Variants in ICA1L observed in about 807,000 individuals in gnomAD.
ICA1L encodes the protein islet cell autoantigen 1 like, also known as islet cell autoantigen 1-like protein.
A neutral mutation model predicts 61.3 loss-of-function variants in ICA1L; 50 were observed. The ratio of observed to expected loss-of-function variants is 0.82; its 90% confidence interval spans 0.65 to 1.03. ICA1L has a LOEUF of 1.03. Ranked by LOEUF, ICA1L falls within the 50% of genes least tolerant of loss-of-function variation. The probability of loss-of-function intolerance (pLI) is 0.00; values close to 1 mark genes in which losing one functional copy is unlikely to be tolerated. For synonymous variants in ICA1L, 161 were observed against 191.3 expected, an observed-to-expected ratio of 0.84 and a Z score of 1.31; for missense variants, 508 against 556.7, an observed-to-expected ratio of 0.91 and a Z score of 0.88.
At chr2:202,835,588 C>A (rs1325913509) in intron 1 of ICA1L, among the ~76,000 whole-genome samples, 1 of 151,466 alleles carries the variant, frequency 6.6e-6, no homozygotes, top group Non-Finnish European at 1.5e-5. Context: ...ACTCTGTTAC[C>A]CAGGCCGGAG....
At chr2:202,810,986 G>A (rs531371189) in intron 9 of ICA1L, among the ~76,000 whole-genome samples, 21 of 152,244 alleles carry the variant, frequency 1.4e-4, no homozygotes, top group Non-Finnish European at 2.8e-4. Flanking sequence ...ATGCCTGCCC[G>A]AAACTTCATT....
chr2:202,783,445 ACCATT>A (rs535349587), intron 12 of ICA1L, among the ~76,000 whole-genome samples: 6 of 152,304 alleles, frequency 3.9e-5, no homozygotes, highest in African/African-American at 1.4e-4. Flanking sequence ...AAGGCACAAC[ACCATT>A]CCTGCACTGG....
At chr2:202,841,190 C>G in intron 1 of ICA1L, 1 of 682,310 alleles carries the variant, frequency 1.5e-6, no homozygotes, top group Admixed American at 1.8e-5. Context: ...CCACATACTG[C>G]CTGATGAGGA....
At chr2:202,870,015 T>A (rs1399283317) in intron 1 of ICA1L, among the ~76,000 whole-genome samples, 3 of 152,184 alleles carry the variant, frequency 2.0e-5, no homozygotes, top group Non-Finnish European at 4.4e-5. Flanking sequence ...AAAACTCACA[T>A]ATCCCATCTG....
At chr2:202,805,216 T>C (rs1432487295) in intron 9 of ICA1L, among the ~76,000 whole-genome samples, 1 of 152,182 alleles carries the variant, frequency 6.6e-6, no homozygotes, top group Non-Finnish European at 1.5e-5. Flanking sequence ...ACAGGGATTA[T>C]TGCAAATGGG....
At chr2:202,792,862 C>G (rs1692798697) in intron 10 of ICA1L, among the ~76,000 whole-genome samples, 1 of 151,992 alleles carries the variant, frequency 6.6e-6, no homozygotes, top group Admixed American at 6.6e-5. Context: ...TGGATGACTC[C>G]AAAAACCATT....
Position 202,773,881 on chromosome 2 carries a change from C to G in ICA1L, c.*5652G>C. The G allele has an allele frequency of 7.8e-7, 1 of 1,289,858 alleles. No individual in the cohort carries two copies. The highest frequency in any genetic ancestry group is 1.1e-6 in the Non-Finnish European group (1 of 889,640). The allele number at this position is 1,289,858 out of a possible 1,614,324, so 79.9% of individuals were successfully genotyped here. ...TCTACAGAGGCTGAGTGGAACAGTC[C>G]TGCTAAATAAACCAGTGGAATAAGA... On this transcript the variant is annotated 3_prime_UTR_variant, in exon 13 of 13. Transcript: ENST00000358299.
At chr2:202,865,137 T>C (rs1232375534) in intron 1 of ICA1L, among the ~76,000 whole-genome samples, 1 of 150,304 alleles carries the variant, frequency 6.7e-6, no homozygotes, top group Non-Finnish European at 1.5e-5. Flanking sequence ...CACTTCAGCC[T>C]GGGCGACAGG....
intron 1 of ICA1L, among the ~76,000 whole-genome samples, chr2:202,859,735 A>C (rs1207854173): frequency 6.6e-6 from 1 of 152,212 alleles, no homozygotes; most frequent in Admixed American, 6.5e-5. Context: ...TGCAAAAGGT[A>C]CTTTTCTTAG....
intron 1 of ICA1L, among the ~76,000 whole-genome samples, chr2:202,832,923 T>C (rs912979164): frequency 6.6e-6 from 1 of 151,974 alleles, no homozygotes; most frequent in South Asian, 2.1e-4. Context: ...AAAGAAGAGA[T>C]AGAATGGGAT....
intron 1 of ICA1L, among the ~76,000 whole-genome samples, chr2:202,834,687 T>C (rs1178420199): frequency 6.6e-6 from 1 of 152,142 alleles, no homozygotes; most frequent in Non-Finnish European, 1.5e-5. Context: ...GCAGCTCAAT[T>C]ATCAAGGTGC....
In ICA1L at chr2:202,776,950, C is replaced by T. The variant is rs1408357018; in HGVS notation, c.*2583G>A. The T allele has an allele frequency of 6.7e-6, 1 of 150,192 alleles. No individual in the cohort carries two copies. The highest frequency in any genetic ancestry group is 1.5e-5 in the Non-Finnish European group (1 of 67,850). The allele number at this position is 150,192 out of a possible 1,614,324, so 9.3% of individuals were successfully genotyped here. On this transcript the variant is annotated 3_prime_UTR_variant, in exon 13 of 13. Transcript: ENST00000358299. Reference sequence around the variant, plus strand: ...ATTCGATAACAGGGACTTCCTTGCACACATGTGAGGGAGATAAATATCTCA... The same window carrying T: ...ATTCGATAACAGGGACTTCCTTGCATACATGTGAGGGAGATAAATATCTCA...
chr2:202,835,740 G>A (rs1384757425), intron 1 of ICA1L, among the ~76,000 whole-genome samples: 1 of 151,290 alleles, frequency 6.6e-6, no homozygotes, highest in Non-Finnish European at 1.5e-5. Flanking sequence ...GTAGAGATGG[G>A]TGTCTCACTA....
intron 1 of ICA1L, 174 bp downstream of exon 1, chr2:202,871,445 A>G (rs1388426440): frequency 6.6e-6 from 1 of 151,998 alleles, no homozygotes; most frequent in Non-Finnish European, 1.5e-5. Context: ...GGGGTCCCCC[A>G]GAGAACCGAG....
intron 1 of ICA1L, among the ~76,000 whole-genome samples, chr2:202,860,665 T>C (rs1350254881): frequency 6.6e-6 from 1 of 151,336 alleles, no homozygotes; most frequent in Non-Finnish European, 1.5e-5. Flanking sequence ...GGCAGGAGAA[T>C]TGCTTGAACC....
At chr2:202,858,913 C>T (rs1002989150) in intron 1 of ICA1L, among the ~76,000 whole-genome samples, 1 of 152,158 alleles carries the variant, frequency 6.6e-6, no homozygotes, top group Non-Finnish European at 1.5e-5. Flanking sequence ...CATACAATGA[C>T]AAAATTGCCT....
intron 1 of ICA1L, among the ~76,000 whole-genome samples, chr2:202,853,616 A>G (rs1299689789): frequency 6.6e-6 from 1 of 152,112 alleles, no homozygotes; most frequent in Non-Finnish European, 1.5e-5. Context: ...TCATCTGACA[A>G]AGGGCTAATA....
intron 1 of ICA1L, among the ~76,000 whole-genome samples, chr2:202,838,926 C>T (rs1172484878): frequency 6.6e-6 from 1 of 152,062 alleles, no homozygotes; most frequent in Non-Finnish European, 1.5e-5. Flanking sequence ...AGGCACAATA[C>T]TCCCTTAAAC....
rs1692260055 is a variant in ICA1L, at chr2:202,777,405, A to G, written c.*2128T>C. On this transcript the variant is annotated 3_prime_UTR_variant, in exon 13 of 13. Transcript: ENST00000358299. Reference sequence around the variant, plus strand: ...AAAAGTTGAGAGCATCAGAGTCACCATGGGTATAGAATTCAGATTGGGATT... The same window carrying G: ...AAAAGTTGAGAGCATCAGAGTCACCGTGGGTATAGAATTCAGATTGGGATT... 6.6e-6 allele frequency: 1 copy of G among 152,238 alleles called. No homozygotes were observed. The highest frequency in any genetic ancestry group is 6.5e-5 in the Admixed American group (1 of 15,276). The allele number at this position is 152,238 out of a possible 1,614,324, so 9.4% of individuals were successfully genotyped here.
Sources: gnomAD v4.1 joint callset for allele counts (sites outside exome capture counted in the v4.1 genomes callset) on GRCh38, gnomAD v4.1.1 for gene constraint, MANE v1.5 for transcripts, NCBI Gene and HGNC (gene_info 2026-07-23, HGNC 2026-07-21) for gene names.